The following RAP1GAP2 variants were observed in gnomAD, a reference collection of about 807,000 sequenced individuals.
RAP1GAP2 encodes rap1 GTPase-activating protein 2.
Under a neutral mutation model 95.0 loss-of-function variants are expected in RAP1GAP2, and 27 were observed. The ratio of observed to expected loss-of-function variants is 0.28; its 90% CI spans 0.21 to 0.39. RAP1GAP2 has a LOEUF of 0.39. Among genes scored for constraint, RAP1GAP2 ranks in the 10% least tolerant of loss-of-function variants. RAP1GAP2 has a pLI of 1.00. For synonymous variants in RAP1GAP2, 373 were observed against 380.9 expected (o/e 0.98, Z 0.24); for missense variants, 771 against 970.0 (o/e 0.79, Z 2.72).
chr17:3,002,736 C>T (rs537850119), intron 14 of RAP1GAP2, among the ~76,000 whole-genome samples: 125 of 152,230 alleles, frequency 8.2e-4, no homozygotes, highest in African/African-American at 2.8e-3. Flanking sequence ...ACGGAGGGGC[C>T]GGGCTGCCTG....
chr17:2,940,247 A>G (rs902162421), intron 3 of RAP1GAP2, among the ~76,000 whole-genome samples: 1 of 152,072 alleles, frequency 6.6e-6, no homozygotes, highest in African/African-American at 2.4e-5. Context: ...AACCGAGACC[A>G]GGGACAGAGG....
At chr17:3,016,221 A>G (rs1225879518) in intron 17 of RAP1GAP2, among the ~76,000 whole-genome samples, 1 of 152,200 alleles carries the variant, frequency 6.6e-6, no homozygotes, top group African/African-American at 2.4e-5. Flanking sequence ...AACACTGCTG[A>G]CATGTTAAAT....
intron 4 of RAP1GAP2, among the ~76,000 whole-genome samples, chr17:2,961,430 G>A (rs1309358446): frequency 6.7e-6 from 1 of 149,844 alleles, no homozygotes; most frequent in Non-Finnish European, 1.5e-5. Flanking sequence ...CAGGAGAATT[G>A]CTTGAACCTG....
intron 1 of RAP1GAP2, among the ~76,000 whole-genome samples, chr17:2,788,138 T>C (rs2068834718): frequency 6.6e-6 from 1 of 152,192 alleles, no homozygotes; most frequent in Admixed American, 6.5e-5. Context: ...ATAAAGGGTA[T>C]GTGCACTTAA....
intron 2 of RAP1GAP2, among the ~76,000 whole-genome samples, chr17:2,888,444 T>C (rs1326125716): frequency 1.3e-5 from 2 of 152,196 alleles, no homozygotes; most frequent in African/African-American, 4.8e-5. Flanking sequence ...CAGCCTCTGC[T>C]GACCACTATT....
At chr17:2,853,852 CG>C in intron 2 of RAP1GAP2, 1 of 913,940 alleles carries the variant, frequency 1.1e-6, no homozygotes, top group African/African-American at 1.8e-5. Context: ...ACCTGACCCC[CG>C]GGGCGCACCT....
At chr17:2,812,783 A>C (rs2069827548) in intron 2 of RAP1GAP2, among the ~76,000 whole-genome samples, 1 of 152,024 alleles carries the variant, frequency 6.6e-6, no homozygotes, top group South Asian at 2.1e-4. Context: ...TGAGGTCAGA[A>C]GTTCGAGACC....
At chr17:2,760,309 A>AG (rs1222848515) in intron 1 of RAP1GAP2, among the ~76,000 whole-genome samples, 2 of 150,540 alleles carry the variant, frequency 1.3e-5, no homozygotes, top group Non-Finnish European at 3.0e-5. Flanking sequence ...AAAAAAAAAA[A>AG]AAAAGAAAAG....
intron 2 of RAP1GAP2, among the ~76,000 whole-genome samples, 188 bp from the exon 3 acceptor site, chr17:2,905,096 T>C (rs1220896454): frequency 6.6e-6 from 1 of 152,212 alleles, no homozygotes; most frequent in Non-Finnish European, 1.5e-5. Flanking sequence ...TTGGTCAGGC[T>C]GGTCTTGAAC....
intron 3 of RAP1GAP2, among the ~76,000 whole-genome samples, chr17:2,930,607 G>A (rs1332386035): frequency 6.6e-6 from 1 of 152,194 alleles, no homozygotes; most frequent in African/African-American, 2.4e-5. Flanking sequence ...TGGGAATGCC[G>A]CTTCAAACAC....
At position 2,998,188 on chromosome 17, in the gene RAP1GAP2, C is replaced by G. The variant is rs745690257; in HGVS notation, c.1045-33C>G. ...AAAACATCTTTCATGATTTTCCTAA[C>G]TGGCTTATAACCTCTCAACACTTTT... is the stretch of plus-strand genomic sequence containing the variant. On this transcript the variant is annotated intron_variant, in intron 13 of 24. Transcript: ENST00000254695. 18 of 1,594,650 alleles carry G rather than the reference C, an allele frequency of 1.1e-5. No homozygotes were observed. The Middle Eastern group carries it at 2.5e-3, about 222-fold the overall frequency.
At chr17:2,780,558 C>T (rs188020660) in intron 1 of RAP1GAP2, among the ~76,000 whole-genome samples, 5 of 152,302 alleles carry the variant, frequency 3.3e-5, no homozygotes, top group East Asian at 1.9e-4. Context: ...AATGTGCACC[C>T]CCCCCAGGAG....
chr17:3,007,961 A>C (rs200306693), intron 16 of RAP1GAP2, 50 bp from the exon 17 acceptor site: 17 of 1,595,798 alleles, frequency 1.1e-5, no homozygotes, highest in Non-Finnish European at 8.6e-7. Flanking sequence ...GAGCAGGCAC[A>C]TCTCTGCTCT....
In RAP1GAP2 at chr17:3,003,662, T is replaced by C. The variant is rs555716799; in HGVS notation, c.1201-1707T>C. ...GGTCCCTTCCCCAGAGTCACCTGCA[T>C]CTGCCTCTCTCCCTCCCTCCAAGCC... On this transcript the variant is annotated intron_variant, in intron 14 of 24. Transcript: ENST00000254695. This position sits in a 1 kb window ranked among gnomAD's most constrained non-coding sequence, Gnocchi z 4.1. Among the ~76,000 whole-genome samples the C allele has an allele frequency of 1.2e-4, 19 of 152,266 alleles. No homozygotes were observed. The South Asian group carries it at 3.7e-3, about 30-fold the overall frequency.
intron 22 of RAP1GAP2, among the ~76,000 whole-genome samples, chr17:3,028,915 C>T (rs530478915): frequency 6.6e-5 from 10 of 152,198 alleles, no homozygotes; most frequent in Admixed American, 2.6e-4. Flanking sequence ...ATTCACCTGC[C>T]TCAGCCTTCC....
intron 3 of RAP1GAP2, among the ~76,000 whole-genome samples, chr17:2,936,261 C>T: frequency 1.0e-5 from 1 of 95,536 alleles, no homozygotes; most frequent in Non-Finnish European, 1.9e-5. Context: ...TCCCCCCTCC[C>T]CCCACCCAGT....
intron 3 of RAP1GAP2, among the ~76,000 whole-genome samples, chr17:2,911,110 C>G (rs1404156561): frequency 6.6e-6 from 1 of 152,308 alleles, no homozygotes; most frequent in East Asian, 1.9e-4. Context: ...GTGGCTCTCC[C>G]ACTGGGAAGG....
At chr17:2,762,132 C>T (rs1310988255) in intron 1 of RAP1GAP2, among the ~76,000 whole-genome samples, 3 of 151,126 alleles carry the variant, frequency 2.0e-5, no homozygotes, top group African/African-American at 7.3e-5. Context: ...GGACTACAGG[C>T]GCCCGCCACC....
At chr17:2,900,098 G>C (rs1323118944) in intron 2 of RAP1GAP2, among the ~76,000 whole-genome samples, 1 of 152,202 alleles carries the variant, frequency 6.6e-6, no homozygotes, top group African/African-American at 2.4e-5. Flanking sequence ...CGGGTGTGGG[G>C]AGGGGATGCA....
Sources: gnomAD v4.1 joint callset for allele counts (sites outside exome capture counted in the v4.1 genomes callset) on GRCh38, gnomAD v4.1.1 for gene constraint, Gnocchi (gnomAD v3.1) non-coding constraint, MANE v1.5 for transcripts, NCBI Gene and HGNC (gene_info 2026-07-23, HGNC 2026-07-21) for gene names.